The following OLFML1 variants were observed in gnomAD, a reference collection of about 807,000 sequenced individuals.
OLFML1 encodes the protein olfactomedin like 1, also known as olfactomedin-like protein 1.
In OLFML1, 33 loss-of-function variants were observed where a neutral mutation model predicts 37.3. The ratio of observed to expected loss-of-function variants is 0.88; its 90% CI spans 0.67 to 1.18. The LOEUF (loss-of-function observed/expected upper bound fraction) is 1.18, where lower values mean the gene tolerates loss of function less well. OLFML1 is among the 50% of genes most tolerant of loss of function. The pLI is 0.00. For missense variants in OLFML1, 545 were observed against 483.7 expected (o/e 1.13, Z -1.19); for synonymous variants, 186 against 181.3 (o/e 1.03, Z -0.21).
chr11:7,495,773 C>T (rs1322780959), intron 2 of OLFML1, among the ~76,000 whole-genome samples: 1 of 152,170 alleles, frequency 6.6e-6, no homozygotes, highest in East Asian at 1.9e-4. Flanking sequence ...CTGATGACCA[C>T]AACAACCAAC....
At position 7,488,314 on chromosome 11, in the gene OLFML1, G is replaced by C; in HGVS notation, c.317G>C (p.Arg106Pro). 2 of 1,614,078 alleles carry C rather than the reference G, an allele frequency of 1.2e-6. No individual in the cohort carries two copies. Among genetic ancestry groups the C allele is most frequent in the Non-Finnish European group, 1.7e-6 (2 of 1,179,982 alleles). ...GAGATTGACTACATACAATACCTTC[G>C]AGAGGCTGACGAGTGCATCGAATCA... is the stretch of plus-strand genomic sequence containing the variant. ...QREIDYIQYL[R>P]EADECIESED... The change falls in exon 2 of 3, where the codon CGA (arginine) becomes CCA (proline). Residue 106 changes from arginine to proline, a missense_variant. Transcript: ENST00000329293.
chr11:7,507,180 G>T (rs1476069537), intron 2 of OLFML1, among the ~76,000 whole-genome samples: 2 of 152,200 alleles, frequency 1.3e-5, no homozygotes, highest in Non-Finnish European at 2.9e-5. Context: ...GTAGCCTGAA[G>T]TGGCACTAAG....
chr11:7,505,090 G>C (rs567619193), intron 2 of OLFML1, among the ~76,000 whole-genome samples: 1 of 142,418 alleles, frequency 7.0e-6, no homozygotes, highest in East Asian at 2.0e-4. Context: ...CCCACACCTA[G>C]CTAATTATTG....
chr11:7,502,211 A>G (rs1334802024), intron 2 of OLFML1, among the ~76,000 whole-genome samples: 1 of 152,242 alleles, frequency 6.6e-6, no homozygotes, highest in Non-Finnish European at 1.5e-5. Flanking sequence ...AACACACTTG[A>G]CATCCTGGCA....
At position 7,510,690 on chromosome 11, in the gene OLFML1, G is replaced by T. The variant is rs1423452908; in HGVS notation, c.*502G>T. On this transcript the variant is annotated 3_prime_UTR_variant, in exon 3 of 3. Transcript: ENST00000329293. Reference sequence around the variant, plus strand: ...CTTTCTTTTCTTTTCTTTTTTTTGAGACAAGGTCTCACTATGTTGCCCAGG... The same window carrying T: ...CTTTCTTTTCTTTTCTTTTTTTTGATACAAGGTCTCACTATGTTGCCCAGG... The T allele has an allele frequency of 6.6e-6, 1 of 152,304 alleles. No individual in the cohort carries two copies. Among genetic ancestry groups the T allele is most frequent in the African/African-American group, 2.4e-5 (1 of 41,116 alleles). 9.4% of individuals were successfully genotyped at this position (152,304 alleles called of 1,614,324 possible).
In OLFML1 at chr11:7,510,189, T is replaced by A; in HGVS notation, c.*1T>A. ...AAAGAGAAAGCTGCCTCTGAAGTAATGCATTACAGCTGTGAGAAAGAGCAC... is the reference window on the plus strand; with the variant it reads ...AAAGAGAAAGCTGCCTCTGAAGTAAAGCATTACAGCTGTGAGAAAGAGCAC... On this transcript the variant is annotated 3_prime_UTR_variant, in exon 3 of 3. Coordinates refer to ENST00000329293, the MANE Select transcript of OLFML1 (RefSeq NM_198474.4). 1 of 1,600,978 alleles carries A rather than the reference T, an allele frequency of 6.2e-7. No individual in the cohort carries two copies. The highest frequency in any genetic ancestry group is 8.5e-7 in the Non-Finnish European group (1 of 1,178,010).
chr11:7,490,656 C>A (rs1848584390), intron 2 of OLFML1, among the ~76,000 whole-genome samples: 1 of 152,188 alleles, frequency 6.6e-6, no homozygotes, highest in African/African-American at 2.4e-5. Flanking sequence ...AAACTTATTT[C>A]TGAACCTATC....
In OLFML1 at chr11:7,486,128, T is replaced by C. The variant is rs75232082; in HGVS notation, c.129+124T>C. The C allele has an allele frequency of 8.7e-4, 828 of 951,604 alleles. 6 individuals carry two copies. In the African/African-American group the frequency reaches 0.012, roughly 14 times the overall value. The allele number at this position is 951,604 out of a possible 1,614,324, so 58.9% of individuals were successfully genotyped here. On this transcript the variant is annotated intron_variant, in intron 1 of 2. Coordinates refer to ENST00000329293, the MANE Select transcript of OLFML1 (RefSeq NM_198474.4). ...ATAGCAAATGACACATTGCCAAAGT[T>C]ACACTTTAAAATGCTCATAGTCTGG...
chr11:7,485,872 C>T lies in OLFML1; in HGVS notation c.-4C>T. The stretch of plus-strand genomic sequence containing the variant: ...AGAGACTGCCCTGCTTGGTGTTTTG[C>T]AGGATGATGGTGGCCCTTCGAGGAG... On this transcript the variant is annotated 5_prime_UTR_variant, in exon 1 of 3. Transcript: ENST00000329293. 1 of 1,612,610 alleles carries T rather than the reference C, an allele frequency of 6.2e-7. No homozygotes were observed. Among genetic ancestry groups the T allele is most frequent in the Non-Finnish European group, 8.5e-7 (1 of 1,179,646 alleles).
At chr11:7,508,416 G>C (rs1170316592) in intron 2 of OLFML1, among the ~76,000 whole-genome samples, 3 of 152,136 alleles carry the variant, frequency 2.0e-5, no homozygotes, top group South Asian at 2.1e-4. Context: ...TTTGTTTGCT[G>C]TCTGGAATGC....
intron 2 of OLFML1, among the ~76,000 whole-genome samples, chr11:7,499,586 G>C (rs901619532): frequency 2.0e-5 from 3 of 152,222 alleles, no homozygotes; most frequent in East Asian, 3.8e-4. Context: ...GGTTGACAAA[G>C]GGACTTTTGG....
intron 2 of OLFML1, among the ~76,000 whole-genome samples, chr11:7,505,078 C>T (rs1848770040): frequency 6.6e-6 from 1 of 151,288 alleles, no homozygotes; most frequent in South Asian, 2.1e-4. Context: ...CAGGTACACG[C>T]CCCCACACCT....
Position 7,509,498 on chromosome 11 carries a change from A to T in OLFML1, c.519A>T (p.Pro173=). The T allele has an allele frequency of 6.2e-7, 1 of 1,613,980 alleles. No individual in the cohort carries two copies. Among genetic ancestry groups the T allele is most frequent in the Non-Finnish European group, 8.5e-7 (1 of 1,179,952 alleles). The change falls in exon 3 of 3, where the codon CCA becomes CCT. Residue 173 remains proline, a synonymous_variant. Coordinates refer to ENST00000329293, the MANE Select transcript of OLFML1 (RefSeq NM_198474.4). The stretch of plus-strand genomic sequence containing the variant: ...TGAAAGATGCTGTCTATAACTCTCC[A>T]AAGGTGTACTTATTAATTGGATCCA... The part of the protein sequence containing the change: ...SWMKDAVYNS[P]KVYLLIGSRN...
intron 2 of OLFML1, among the ~76,000 whole-genome samples, chr11:7,500,073 T>C (rs1002745269): frequency 2.0e-5 from 3 of 152,104 alleles, no homozygotes; most frequent in Non-Finnish European, 2.9e-5. Context: ...TTGTATTTTT[T>C]GTGGAGACGA....
chr11:7,501,755 A>G (rs568011386), intron 2 of OLFML1, among the ~76,000 whole-genome samples: 1 of 152,356 alleles, frequency 6.6e-6, no homozygotes, highest in African/African-American at 2.4e-5. Context: ...TTATTTACTT[A>G]AGATAGGCCT....
chr11:7,505,850 T>C (rs1848779395), intron 2 of OLFML1, among the ~76,000 whole-genome samples: 1 of 150,796 alleles, frequency 6.6e-6, no homozygotes, highest in African/African-American at 2.4e-5. Flanking sequence ...AAAAAAAATG[T>C]CCAAAATTAG....
At position 7,486,955 on chromosome 11, in the gene OLFML1, C is replaced by T. The variant is rs559882768; in HGVS notation, c.129+951C>T. Among the ~76,000 whole-genome samples, 90 of 152,290 alleles carry T rather than the reference C, an allele frequency of 5.9e-4. No individual in the cohort carries two copies. In the South Asian group the frequency reaches 9.3e-3, roughly 16 times the overall value. ...AGTGGATGAAGTGTTCCCAGACGAG[C>T]GGCCTCTTGCGCTTCTTCACTTGCT... is the stretch of plus-strand genomic sequence containing the variant. On this transcript the variant is annotated intron_variant, in intron 1 of 2. Transcript: ENST00000329293.
At chr11:7,492,464 T>G (rs543485243) in intron 2 of OLFML1, among the ~76,000 whole-genome samples, 5 of 152,328 alleles carry the variant, frequency 3.3e-5, no homozygotes, top group Admixed American at 3.3e-4. Context: ...TTTAACCTTG[T>G]ATCTCAGGAG....
rs1848839106 is a variant in OLFML1 at position 7,509,949 on chromosome 11, T to A, written c.970T>A (p.Cys324Ser). Residue 324 changes from cysteine to serine, a missense_variant, in exon 3 of 3, where the codon TGT becomes AGT. Coordinates refer to ENST00000329293, the MANE Select transcript of OLFML1 (RefSeq NM_198474.4). Reference protein sequence around the residue: ...SQDAEASFLLCGVLYVVYSTG... With the variant: ...SQDAEASFLLSGVLYVVYSTG... ...GGATGCTGAAGCCTCATTCCTCTTG[T>A]GTGGGGTTCTCTATGTGGTCTACAG... The A allele has an allele frequency of 6.2e-7, 1 of 1,614,128 alleles. No individual in the cohort carries two copies. The highest frequency in any genetic ancestry group is 8.5e-7 in the Non-Finnish European group (1 of 1,180,044).
Sources: gnomAD v4.1 joint callset for allele counts (sites outside exome capture counted in the v4.1 genomes callset) on GRCh38, gnomAD v4.1.1 for gene constraint, MANE v1.5 for transcripts, NCBI Gene and HGNC (gene_info 2026-07-23, HGNC 2026-07-21) for gene names.